The following PCDHGB1 variants were observed in gnomAD, a reference collection of about 807,000 sequenced individuals.
PCDHGB1 encodes protocadherin gamma-B1.
In PCDHGB1, 34 loss-of-function variants were observed where a neutral mutation model predicts 56.6. The observed-to-expected ratio is 0.60, with a 90% CI of 0.46 to 0.80. The LOEUF (loss-of-function observed/expected upper bound fraction) is 0.80, where lower values mean the gene tolerates loss of function less well. Among genes scored for constraint, PCDHGB1 ranks in the 30% least tolerant of loss-of-function variants. The pLI is 0.00. For synonymous variants in PCDHGB1, 561 were observed against 505.9 expected (o/e 1.11, Z -1.46); for missense variants, 1,278 against 1,204.6 (o/e 1.06, Z -0.90).
chr5:141,486,590 C>T lies in PCDHGB1; in HGVS notation c.2410-8217C>T, dbSNP rs781629297. On this transcript the variant is annotated intron_variant, in intron 1 of 3. Transcript: ENST00000523390. This position sits in a 1 kb window ranked among gnomAD's most constrained non-coding sequence, Gnocchi z 5.0. Reference sequence around the variant, plus strand: ...TCCTGAGAACAATCGCCCAGGGGACCTGCTTTGCTCCCTTGCAGCCTCTGA... The same window carrying T: ...TCCTGAGAACAATCGCCCAGGGGACTTGCTTTGCTCCCTTGCAGCCTCTGA... The T allele has an allele frequency of 6.2e-7, 1 of 1,613,640 alleles. No individual in the cohort carries two copies.
intron 1 of PCDHGB1, among the ~76,000 whole-genome samples, chr5:141,437,777 C>T (rs998490046): frequency 2.0e-5 from 3 of 148,970 alleles, no homozygotes; most frequent in Admixed American, 6.7e-5. Context: ...CTCAATCTGT[C>T]GCCAAGCTGG....
rs760747309 is a variant in PCDHGB1, at chr5:141,477,613, A to G, written c.2410-17194A>G. 1.2e-6 allele frequency: 2 copies of G among 1,614,210 alleles called. No individual in the cohort carries two copies. Among genetic ancestry groups the G allele is most frequent in the Non-Finnish European group, 8.5e-7 (1 of 1,180,044 alleles). ...GGCTTTCTTTCTTTCTCTTGGAGCA[A>G]GGAGCTGAAACCGGGCTAGTGGGTC... On this transcript the variant is annotated intron_variant, in intron 1 of 3. Coordinates refer to ENST00000523390, the MANE Select transcript of PCDHGB1 (RefSeq NM_018922.3). This position sits in a 1 kb window ranked among gnomAD's most constrained non-coding sequence, Gnocchi z 4.9.
chr5:141,409,844 C>G (rs1380163040), intron 1 of PCDHGB1: 3 of 1,611,858 alleles, frequency 1.9e-6, no homozygotes, highest in East Asian at 4.5e-5. Flanking sequence ...CAACGTGAGC[C>G]TGCGCGTGTT....
At chr5:141,410,235 G>T (rs753193390) in intron 1 of PCDHGB1, 1 of 1,613,852 alleles carries the variant, frequency 6.2e-7, no homozygotes, top group Non-Finnish European at 8.5e-7. Context: ...CTCAGCGACC[G>T]CCCTGTACTC....
chr5:141,419,584 C>G, intron 1 of PCDHGB1: 1 of 1,611,800 alleles, frequency 6.2e-7, no homozygotes. Context: ...CCGCGCTCTT[C>G]GACACAGTGC....
At chr5:141,404,211 T>G in intron 1 of PCDHGB1, 1 of 1,613,724 alleles carries the variant, frequency 6.2e-7, no homozygotes, top group East Asian at 2.2e-5. Context: ...GAATATAATA[T>G]CACGGTGACT....
Position 141,431,062 on chromosome 5 carries a change from G to C in PCDHGB1, c.2410-63745G>C, listed in dbSNP as rs2097341170. On this transcript the variant is annotated intron_variant, in intron 1 of 3. Coordinates refer to ENST00000523390, the MANE Select transcript of PCDHGB1 (RefSeq NM_018922.3). This position sits in a 1 kb window ranked among gnomAD's most constrained non-coding sequence, Gnocchi z 4.8. ...AGGAGCTCTGTATGGGGGCCATCAA[G>C]TGTCAATTAAATCTAGACATTCTGA... 6.2e-7 allele frequency: 1 copy of C among 1,614,212 alleles called. No individual in the cohort carries two copies. The highest frequency in any genetic ancestry group is 1.3e-5 in the African/African-American group (1 of 75,084).
chr5:141,371,304 A>G (rs745344777), intron 1 of PCDHGB1: 18 of 1,613,870 alleles, frequency 1.1e-5, no homozygotes, highest in East Asian at 4.5e-5. Context: ...ACTCACCACT[A>G]TTGGAGAACT....
At chr5:141,480,745 C>T (rs528415324) in intron 1 of PCDHGB1, among the ~76,000 whole-genome samples, 1 of 152,278 alleles carries the variant, frequency 6.6e-6, no homozygotes, top group Non-Finnish European at 1.5e-5. Flanking sequence ...ACATAGGCAT[C>T]ATTTTTTGAA....
chr5:141,481,503 G>A (rs1006282101), intron 1 of PCDHGB1, among the ~76,000 whole-genome samples: 3 of 152,236 alleles, frequency 2.0e-5, no homozygotes, highest in African/African-American at 7.2e-5. Context: ...TGCATGGTAT[G>A]TGAATTATGT....
chr5:141,447,648 T>A (rs1262852729), intron 1 of PCDHGB1, among the ~76,000 whole-genome samples: 3 of 152,164 alleles, frequency 2.0e-5, no homozygotes, highest in African/African-American at 4.8e-5. Flanking sequence ...ATGGTAGAAT[T>A]TTCCCCCCCA....
intron 1 of PCDHGB1, chr5:141,373,964 C>A: frequency 1.0e-6 from 1 of 955,768 alleles, no homozygotes; most frequent in Non-Finnish European, 1.5e-6. Flanking sequence ...TGACCTGAAA[C>A]GCTTCGCATC....
rs779392461 is a variant in PCDHGB1, at chr5:141,428,623, TC to T, written c.2410-66183del. 3.1e-5 allele frequency: 6 copies of T among 193,516 alleles called. No individual in the cohort carries two copies. In the East Asian group the frequency reaches 5.4e-4, roughly 17 times the overall value. 12.0% of individuals were successfully genotyped at this position (193,516 alleles called of 1,614,324 possible). ...CACTGAAGAGAATAACAAGATAAGC[TC>T]TAACTCTGTTGCTCCTACTCACGTG... On this transcript the variant is annotated intron_variant, in intron 1 of 3. Coordinates refer to ENST00000523390, the MANE Select transcript of PCDHGB1 (RefSeq NM_018922.3).
intron 1 of PCDHGB1, chr5:141,396,045 C>G (rs2093338007): frequency 6.6e-6 from 1 of 152,166 alleles, no homozygotes; most frequent in Non-Finnish European, 1.5e-5. Context: ...TATTTCAATA[C>G]AATTCCAATT....
At position 141,480,425 on chromosome 5, in the gene PCDHGB1, AT is replaced by A. The variant is rs553131122; in HGVS notation, c.2410-14380del. On this transcript the variant is annotated intron_variant, in intron 1 of 3. Transcript: ENST00000523390. ...GTGAGACCCTGTCTCAAAAAAAAAA[AT>A]TATCAGCTATTACTATAATTATTTT... 2.3e-4 allele frequency among the ~76,000 whole-genome samples: 34 copies of A among 149,340 alleles called. 1 individual carries two copies. In the South Asian group the frequency reaches 6.0e-3, roughly 26 times the overall value.
rs773825932 is a variant in PCDHGB1, at chr5:141,370,445, A to G, written c.2409+17776A>G. ...GCCCAGCAGGGCAGAGGCGAATGCT[A>G]TTTCTCTTCCTGCTCTCTTTGTTAG... On this transcript the variant is annotated intron_variant, in intron 1 of 3. Coordinates refer to ENST00000523390, the MANE Select transcript of PCDHGB1 (RefSeq NM_018922.3). The G allele has an allele frequency of 5.0e-6, 8 of 1,608,064 alleles. No homozygotes were observed. In the Admixed American group the frequency reaches 5.1e-5, roughly 10 times the overall value.
chr5:141,392,546 T>A (rs1207052717), intron 1 of PCDHGB1: 1 of 336,090 alleles, frequency 3.0e-6, no homozygotes, highest in Non-Finnish European at 5.4e-6. Flanking sequence ...AGAAGTAATC[T>A]GTATCTCAGT....
intron 1 of PCDHGB1, chr5:141,356,934 AC>A (rs1375137728): frequency 1.2e-6 from 2 of 1,613,894 alleles, no homozygotes; most frequent in African/African-American, 2.7e-5. Context: ...TGGAGCTGGC[AC>A]CCCGCTCCGC....
At chr5:141,406,109 G>C (rs2094766123) in intron 1 of PCDHGB1, among the ~76,000 whole-genome samples, 1 of 144,746 alleles carries the variant, frequency 6.9e-6, no homozygotes, top group South Asian at 2.2e-4. Flanking sequence ...GTGTCATTCT[G>C]TTGTCCAGGG....
Sources: gnomAD v4.1 joint callset for allele counts (sites outside exome capture counted in the v4.1 genomes callset) on GRCh38, gnomAD v4.1.1 for gene constraint, Gnocchi (gnomAD v3.1) non-coding constraint, MANE v1.5 for transcripts, NCBI Gene and HGNC (gene_info 2026-07-23, HGNC 2026-07-21) for gene names.